Variants in AGBL1 observed in about 807,000 individuals in gnomAD.
AGBL1 encodes the protein AGBL carboxypeptidase 1, also known as cytosolic carboxypeptidase 4.
AGBL1 carries 130 observed loss-of-function variants against 118.9 expected under a neutral mutation model. The observed-to-expected ratio is 1.09, with a 90% confidence interval of 0.95 to 1.26. AGBL1 has a LOEUF of 1.26. Ranked by LOEUF, AGBL1 falls within the 50% of genes most tolerant of loss-of-function variation. The pLI is 0.00. For synonymous variants in AGBL1, 555 were observed against 478.9 expected (o/e 1.16, Z -2.08); for missense variants, 1,584 against 1,298.1 (o/e 1.22, Z -3.38).
chr15:86,861,021 T>C (rs2079552754), intron 22 of AGBL1, among the ~76,000 whole-genome samples: 1 of 152,064 alleles, frequency 6.6e-6, no homozygotes, highest in African/African-American at 2.4e-5. Context: ...TTCCAAGTGA[T>C]GGGCCTTCTT....
chr15:86,736,683 C>T (rs2077605207), intron 22 of AGBL1, among the ~76,000 whole-genome samples: 1 of 152,146 alleles, frequency 6.6e-6, no homozygotes, highest in African/African-American at 2.4e-5. Flanking sequence ...ATCCATCATC[C>T]CTTTTAATAT....
chr15:86,304,629 C>T (rs1278024934), intron 17 of AGBL1, among the ~76,000 whole-genome samples: 1 of 152,156 alleles, frequency 6.6e-6, no homozygotes, highest in Non-Finnish European at 1.5e-5. Flanking sequence ...TGCTCCTAGC[C>T]ACCATGTAGG....
intron 17 of AGBL1, among the ~76,000 whole-genome samples, chr15:86,332,362 C>T (rs1166946863): frequency 6.6e-6 from 1 of 152,076 alleles, no homozygotes; most frequent in Non-Finnish European, 1.5e-5. Context: ...CTAACAAACT[C>T]CGGGCCAGGC....
intron 6 of AGBL1, among the ~76,000 whole-genome samples, chr15:86,238,604 T>C (rs138439227): frequency 2.1e-4 from 32 of 152,334 alleles, no homozygotes; most frequent in African/African-American, 7.7e-4. Flanking sequence ...CCATTTTTTA[T>C]GTGCCACTGA....
chr15:86,543,881 A>G (rs1407226446), intron 19 of AGBL1, among the ~76,000 whole-genome samples: 1 of 152,198 alleles, frequency 6.6e-6, no homozygotes, highest in Non-Finnish European at 1.5e-5. Flanking sequence ...CAACCATTGT[A>G]GGTAGATGAA....
At chr15:86,428,321 A>G (rs760076573) in intron 18 of AGBL1, among the ~76,000 whole-genome samples, 5 of 152,184 alleles carry the variant, frequency 3.3e-5, no homozygotes, top group Non-Finnish European at 7.3e-5. Flanking sequence ...CCTGGGCTCT[A>G]GGAACCATTC....
intron 22 of AGBL1, among the ~76,000 whole-genome samples, chr15:86,791,748 A>ATATT (rs1555450547): frequency 6.7e-6 from 1 of 149,566 alleles, no homozygotes; most frequent in African/African-American, 2.5e-5. Context: ...ATATATATAT[A>ATATT]TATTTTGAGA....
intron 18 of AGBL1, among the ~76,000 whole-genome samples, chr15:86,461,228 A>G (rs1402256181): frequency 2.6e-5 from 4 of 152,136 alleles, no homozygotes; most frequent in Non-Finnish European, 5.9e-5. Context: ...CCAACACTCT[A>G]GAAAGTCCTG....
At position 86,746,177 on chromosome 15, in the gene AGBL1, G is replaced by C. The variant is rs566270200; in HGVS notation, c.3158+71741G>C. Among the ~76,000 whole-genome samples the C allele has an allele frequency of 3.9e-5, 6 of 152,100 alleles. No homozygotes were observed. The South Asian group carries it at 6.2e-4, about 16-fold the overall frequency. On this transcript the variant is annotated intron_variant, in intron 22 of 22. Transcript: ENST00000614907. ...TTCACAACACACCTGGTTATGTTTC[G>C]CTCTTATTGACAAGATGAAGTAGAC...
At chr15:86,801,534 C>G (rs1013932551) in intron 22 of AGBL1, among the ~76,000 whole-genome samples, 9 of 151,998 alleles carry the variant, frequency 5.9e-5, no homozygotes, top group African/African-American at 2.2e-4. Context: ...GGGATATTAC[C>G]TACTTCAATG....
chr15:86,184,429 C>CTTTTTTTTTTTTTTT (rs199807402), intron 5 of AGBL1, among the ~76,000 whole-genome samples: 5 of 144,484 alleles, frequency 3.5e-5, no homozygotes, highest in Middle Eastern at 3.7e-3. Flanking sequence ...TTTCTTTTTT[C>CTTTTTTTTTTTTTTT]TTTCTTTTTT....
chr15:87,028,160 G>A (rs912587154), intron 24 of AGBL1, among the ~76,000 whole-genome samples: 1 of 151,790 alleles, frequency 6.6e-6, no homozygotes, highest in Non-Finnish European at 1.5e-5. Flanking sequence ...AAATCTAAGT[G>A]CCCTTTGCTT....
intron 22 of AGBL1, among the ~76,000 whole-genome samples, chr15:86,854,949 G>T (rs1027397543): frequency 6.6e-6 from 1 of 152,254 alleles, no homozygotes; most frequent in Admixed American, 6.5e-5. Context: ...ATCTTATATA[G>T]TTGTGATTTG....
intron 15 of AGBL1, among the ~76,000 whole-genome samples, chr15:86,279,146 T>C (rs558895160): frequency 6.6e-6 from 1 of 152,366 alleles, no homozygotes; most frequent in African/African-American, 2.4e-5. Context: ...ATGTTAAATG[T>C]TGAATTGGAA....
intron 18 of AGBL1, among the ~76,000 whole-genome samples, chr15:86,440,379 C>G (rs189691599): frequency 4.0e-5 from 6 of 151,750 alleles, no homozygotes; most frequent in African/African-American, 9.7e-5. Context: ...TTTGTAAAAG[C>G]CTTTTTAGAT....
At chr15:86,568,353 C>T (rs1032760493) in intron 21 of AGBL1, among the ~76,000 whole-genome samples, 1 of 152,006 alleles carries the variant, frequency 6.6e-6, no homozygotes, top group Non-Finnish European at 1.5e-5. Context: ...TGAGCAATGC[C>T]CCCAAGAAGA....
At chr15:86,521,288 CA>C (rs2083185853) in intron 18 of AGBL1, among the ~76,000 whole-genome samples, 1 of 152,140 alleles carries the variant, frequency 6.6e-6, no homozygotes, top group Non-Finnish European at 1.5e-5. Flanking sequence ...CACTGTGTTT[CA>C]AACAAAACAA....
intron 21 of AGBL1, among the ~76,000 whole-genome samples, chr15:86,572,205 T>C (rs941745979): frequency 3.3e-5 from 5 of 151,672 alleles, no homozygotes. Context: ...GCTCCCTTCC[T>C]GGGCCCCCAA....
chr15:86,230,068 G>A (rs2078430896), intron 6 of AGBL1, among the ~76,000 whole-genome samples: 2 of 152,146 alleles, frequency 1.3e-5, no homozygotes, highest in African/African-American at 4.8e-5. Context: ...AGAGCTAATG[G>A]GAAGTTTGGC....
Sources: allele counts gnomAD v4.1 joint callset (sites outside exome capture counted in the v4.1 genomes callset), GRCh38; gene constraint gnomAD v4.1.1; transcripts MANE v1.5; gene names NCBI Gene and HGNC (gene_info 2026-07-23, HGNC 2026-07-21).